TCEA2: variants seen among roughly 807,000 people sequenced by gnomAD.
The protein encoded by TCEA2 is transcription elongation factor A protein 2.
In TCEA2, 21 loss-of-function variants were observed where a neutral mutation model predicts 40.8. The ratio of observed to expected loss-of-function variants is 0.51; its 90% CI spans 0.36 to 0.74. TCEA2 has a LOEUF of 0.74. TCEA2 is among the 30% of genes least tolerant of loss of function. TCEA2 has a pLI of 0.00. For missense variants in TCEA2, 326 were observed against 426.5 expected (o/e 0.76, Z 2.08); for synonymous variants, 165 against 162.7 (o/e 1.01, Z -0.11).
intron 4 of TCEA2, 66 bp from the exon 5 acceptor site, chr20:64,069,295 G>A (rs983563104): frequency 1.9e-5 from 28 of 1,505,142 alleles, no homozygotes; most frequent in African/African-American, 2.8e-5. Context: ...CTGCTTCTAG[G>A]ACCAGTGTCT....
At chr20:64,068,563 G>A (rs977677750) in intron 4 of TCEA2, among the ~76,000 whole-genome samples, 2 of 152,240 alleles carry the variant, frequency 1.3e-5, no homozygotes, top group African/African-American at 4.8e-5. Context: ...GCATGTGCAC[G>A]TGTGGTCACT....
At chr20:64,069,857 T>A in intron 6 of TCEA2, 36 bp downstream of exon 6, 1 of 1,608,708 alleles carries the variant, frequency 6.2e-7, no homozygotes, top group Non-Finnish European at 8.5e-7. Flanking sequence ...CCTGGGTTTC[T>A]GGTGGAGTCA....
Position 64,069,986 on chromosome 20 carries a change from G to A in TCEA2, c.517+165G>A, listed in dbSNP as rs754034011. 8.4e-6 allele frequency: 8 copies of A among 952,550 alleles called. No individual in the cohort carries two copies. In the South Asian group the frequency reaches 1.1e-4, roughly 13 times the overall value. 59.0% of individuals were successfully genotyped at this position (952,550 alleles called of 1,614,324 possible). A position where few individuals can be genotyped will look rare whatever the true frequency, so the allele number is the denominator to read the frequency against. ...GGTCAGGCTGTCTCACCTCAGGAGG[G>A]CCCCCGGACCAGCTGAAGGGCTGAT... On this transcript the variant is annotated intron_variant, in intron 6 of 9. Transcript: ENST00000343484.
intron 1 of TCEA2, among the ~76,000 whole-genome samples, chr20:64,064,618 AGCCACCCCAGG>A (rs2059644710): frequency 6.6e-6 from 1 of 152,032 alleles, no homozygotes; most frequent in Non-Finnish European, 1.5e-5. Context: ...TGATTTGTGC[AGCCACCCCAGG>A]GCTGTGTGAC....
chr20:64,056,698 G>C (rs1310491855), upstream of TCEA2: 1 of 152,168 alleles, frequency 6.6e-6, no homozygotes, highest in African/African-American at 2.4e-5. Context: ...GGCTTTGGGC[G>C]GGCAGGGGGC....
At chr20:64,066,642 C>A (rs1391303761) in intron 2 of TCEA2, 104 bp downstream of exon 2, 16 of 1,325,516 alleles carry the variant, frequency 1.2e-5, no homozygotes, top group Non-Finnish European at 1.5e-5. Flanking sequence ...CCCCACCAGG[C>A]CTTAGTTGGC....
chr20:64,066,542 G>T lies in TCEA2; in HGVS notation c.135+4G>T. 7 of 1,613,188 alleles carry T rather than the reference G, an allele frequency of 4.3e-6. No homozygotes were observed. Among genetic ancestry groups the T allele is most frequent in the Non-Finnish European group, 5.1e-6 (6 of 1,179,452 alleles). ...TATCACGCTGCACCTGCTCCAGGTA[G>T]GTCCCTGCCTGCCCCAGGTCCAGGA... On this transcript the variant is annotated splice_donor_region_variant and intron_variant, in intron 2 of 9. Transcript: ENST00000343484.
At chr20:64,071,743 A>C in intron 8 of TCEA2, 127 bp from the exon 9 acceptor site, 1 of 1,078,728 alleles carries the variant, frequency 9.3e-7, no homozygotes, top group Non-Finnish European at 1.3e-6. Flanking sequence ...TGGAGTCACG[A>C]GGCGGCCTCG....
intron 7 of TCEA2, 27 bp downstream of exon 7, chr20:64,070,441 G>A (rs1204325405): frequency 1.2e-6 from 2 of 1,613,746 alleles, no homozygotes; most frequent in Non-Finnish European, 1.7e-6. Flanking sequence ...GGGGCTGGAG[G>A]GCTGCTCCCT....
rs1275193676 is a variant in TCEA2, at chr20:64,063,345, C to T, written c.33C>T (p.Ile11=). The change falls in exon 1 of 10, where the codon ATC becomes ATT. Residue 11 remains isoleucine (I), a synonymous_variant. Transcript: ENST00000343484. The part of the protein sequence containing the change: MMGKEEEIAR[I]ARRLDKMVTK... The stretch of plus-strand genomic sequence containing the variant: ...GCAAGGAAGAGGAGATTGCGCGGAT[C>T]GCCCGGAGGCTGGACAAGATGGTGA... 3.9e-6 allele frequency: 6 copies of T among 1,549,548 alleles called. No homozygotes were observed. The highest frequency in any genetic ancestry group is 1.7e-6 in the Non-Finnish European group (2 of 1,147,362).
At chr20:64,062,915 C>A (rs1389301866), upstream of TCEA2, 4 of 157,584 alleles carry the variant, frequency 2.5e-5, no homozygotes, top group Non-Finnish European at 1.4e-5. Context: ...GAGAAGGGAG[C>A]AGATTCCTGG....
At position 64,066,191 on chromosome 20, in the gene TCEA2, G is replaced by A. The variant is rs141446387; in HGVS notation, c.73-285G>A. The A allele has an allele frequency of 1.1e-3, 359 of 341,850 alleles. 1 individual carries two copies. Among genetic ancestry groups the A allele is most frequent in the African/African-American group, 7.2e-3 (342 of 47,438 alleles). The allele number at this position is 341,850 out of a possible 1,614,324, so 21.2% of individuals were successfully genotyped here. ...GTCAGTGACCTGAGGTGGTTACAAC[G>A]AAGTCAGTGAGGTCATTGCCACGGA... On this transcript the variant is annotated intron_variant, in intron 1 of 9. Transcript: ENST00000343484.
At chr20:64,063,708 G>A (rs1464745242) in intron 1 of TCEA2, 9 of 362,920 alleles carry the variant, frequency 2.5e-5, no homozygotes, top group Non-Finnish European at 4.6e-5. Context: ...CTTAACTCCA[G>A]ACCCCCAGCC....
chr20:64,069,287 G>A lies in TCEA2; in HGVS notation c.330-74G>A, dbSNP rs1030415248. ...GGGGGATTATGCTGTGGCACCTGCT[G>A]CTTCTAGGACCAGTGTCTCGCTGGG... On this transcript the variant is annotated intron_variant, in intron 4 of 9. Transcript: ENST00000343484. 3.3e-5 allele frequency: 50 copies of A among 1,493,106 alleles called. 1 individual carries two copies. In the Admixed American group the frequency reaches 9.6e-4, roughly 29 times the overall value. 92.5% of individuals were successfully genotyped at this position (1,493,106 alleles called of 1,614,324 possible). A position where few individuals can be genotyped will look rare whatever the true frequency, so the allele number is the denominator to read the frequency against.
chr20:64,064,595 C>T (rs2059644493), intron 1 of TCEA2, among the ~76,000 whole-genome samples: 1 of 152,128 alleles, frequency 6.6e-6, no homozygotes, highest in South Asian at 2.1e-4. Flanking sequence ...GTGGCTGAGT[C>T]ATGGGCTTTG....
chr20:64,070,405 G>T lies in TCEA2; in HGVS notation c.663G>T (p.Met221Ile). Residue 221 changes from methionine to isoleucine, a missense_variant, in exon 7 of 10, where the codon ATG (methionine) becomes ATT (isoleucine). Physicochemically the swap from Met to Ile is conservative, Grantham distance 10 (BLOSUM62 1). Transcript: ENST00000343484. ...GAITPQQIAVMTSEEMASDEL... is the reference protein window; with the variant it reads ...GAITPQQIAVITSEEMASDEL... ...TAACACCCCAGCAGATCGCTGTGAT[G>T]ACCTCAGAGGTGAGCCCCTGTTGGA... 1 of 1,614,162 alleles carries T rather than the reference G, an allele frequency of 6.2e-7. No homozygotes were observed. The highest frequency in any genetic ancestry group is 1.1e-5 in the South Asian group (1 of 91,088).
intron 1 of TCEA2, chr20:64,063,810 T>G: frequency 1.1e-5 from 2 of 176,814 alleles, no homozygotes; most frequent in Non-Finnish European, 2.4e-5. Flanking sequence ...GCCCCTTGCC[T>G]TCCTCCATCC....
intron 1 of TCEA2, among the ~76,000 whole-genome samples, chr20:64,064,676 C>T (rs2059645931): frequency 6.6e-6 from 1 of 152,034 alleles, no homozygotes; most frequent in African/African-American, 2.4e-5. Flanking sequence ...TTGGGCTGAG[C>T]AGGGTTGAGT....
intron 1 of TCEA2, chr20:64,065,981 A>ATGG (rs1341250020): frequency 6.6e-6 from 1 of 152,468 alleles, no homozygotes; most frequent in Non-Finnish European, 1.4e-5. Context: ...TTGGCCCTTC[A>ATGG]CAGCTGGTGG....
Sources: gnomAD v4.1 joint callset for allele counts (sites outside exome capture counted in the v4.1 genomes callset) on GRCh38, gnomAD v4.1.1 for gene constraint, MANE v1.5 for transcripts, NCBI Gene and HGNC (gene_info 2026-07-23, HGNC 2026-07-21) for gene names.